The following KASH5 variants were observed in gnomAD, a reference collection of about 807,000 sequenced individuals.
KASH5 encodes the protein protein KASH5.
A neutral mutation model predicts 84.2 loss-of-function variants in KASH5; 72 were observed. The observed-to-expected ratio is 0.85, with a 90% CI of 0.71 to 1.04. The LOEUF (loss-of-function observed/expected upper bound fraction) is 1.04. Among genes scored for constraint, KASH5 ranks in the 50% least tolerant of loss-of-function variants. KASH5 has a pLI of 0.00. For missense variants in KASH5, 650 were observed against 701.0 expected, an observed-to-expected ratio of 0.93 and a Z score of 0.82; for synonymous variants, 260 against 279.1, an observed-to-expected ratio of 0.93 and a Z score of 0.68.
chr19:49,403,431 A>G (rs905908068), intron 9 of KASH5, among the ~76,000 whole-genome samples: 4 of 152,144 alleles, frequency 2.6e-5, no homozygotes, highest in Admixed American at 2.6e-4. Context: ...TCCTTTCATC[A>G]GAAGCCTCTC....
intron 9 of KASH5, among the ~76,000 whole-genome samples, chr19:49,402,339 G>T (rs971672485): frequency 6.6e-5 from 10 of 152,048 alleles, no homozygotes; most frequent in African/African-American, 2.4e-4. Flanking sequence ...GCCTAGGCCA[G>T]GAGTTCGAGA....
At chr19:49,413,060 G>GAC (rs760617206) in intron 16 of KASH5, 34 bp downstream of exon 16, 1 of 1,602,194 alleles carries the variant, frequency 6.2e-7, no homozygotes, top group Non-Finnish European at 8.5e-7. Context: ...GCCTCAGGGT[G>GAC]ACACCTTATT....
chr19:49,408,452 T>C (rs866647475), intron 12 of KASH5, among the ~76,000 whole-genome samples: 12 of 152,000 alleles, frequency 7.9e-5, no homozygotes, highest in South Asian at 2.1e-4. Flanking sequence ...TGCTTTTTTT[T>C]TTTCTTTCTT....
chr19:49,400,332 T>C (rs2040982074), intron 9 of KASH5, among the ~76,000 whole-genome samples: 1 of 149,336 alleles, frequency 6.7e-6, no homozygotes. Flanking sequence ...CTTCTCCTTC[T>C]CAAGCCTTTA....
chr19:49,397,338 A>T (rs1974214174), intron 5 of KASH5, among the ~76,000 whole-genome samples: 1 of 152,028 alleles, frequency 6.6e-6, no homozygotes, highest in Non-Finnish European at 1.5e-5. Context: ...GGTGACAGGG[A>T]GCAAGGGAGC....
chr19:49,399,658 A>T lies in KASH5; in HGVS notation c.798+151A>T. ...GGGAATGTCCCTGAGGTTATATCAC[A>T]CTGTGAGAACAGCCGTGGTTTACAA... On this transcript the variant is annotated intron_variant, in intron 9 of 19. Coordinates refer to ENST00000447857, the MANE Select transcript of KASH5 (RefSeq NM_144688.5). The surrounding 1 kb of genome is among the most constrained non-coding windows in gnomAD (Gnocchi z 4.4). 2.7e-6 allele frequency: 4 copies of T among 1,497,146 alleles called. No individual in the cohort carries two copies. The highest frequency in any genetic ancestry group is 2.6e-5 in the South Asian group (2 of 77,294). 92.7% of individuals were successfully genotyped at this position (1,497,146 alleles called of 1,614,324 possible). A position where few individuals can be genotyped will look rare whatever the true frequency, so the allele number is the denominator to read the frequency against.
chr19:49,412,888 G>A lies in KASH5; in HGVS notation c.1270-80G>A, dbSNP rs949582385. 18 of 1,415,798 alleles carry A rather than the reference G, an allele frequency of 1.3e-5. 1 individual carries two copies. Among genetic ancestry groups the A allele is most frequent in the Middle Eastern group, 1.8e-4 (1 of 5,614 alleles). The allele number at this position is 1,415,798 out of a possible 1,614,324, so 87.7% of individuals were successfully genotyped here. A position where few individuals can be genotyped will look rare whatever the true frequency, so the allele number is the denominator to read the frequency against. Reference sequence around the variant, plus strand: ...TTTGTATATGGGGTCTGGGACCGGCGGGGGAGACAGTGGGCACTGTTAGGG... The same window carrying A: ...TTTGTATATGGGGTCTGGGACCGGCAGGGGAGACAGTGGGCACTGTTAGGG... On this transcript the variant is annotated intron_variant, in intron 15 of 19. Transcript: ENST00000447857. The surrounding 1 kb of genome is among the most constrained non-coding windows in gnomAD (Gnocchi z 4.6).
rs772097748 is a variant in KASH5 at position 49,417,269 on chromosome 19, G to A, written c.1547+3G>A. The A allele has an allele frequency of 6.2e-7, 1 of 1,610,778 alleles. No individual in the cohort carries two copies. Among genetic ancestry groups the A allele is most frequent in the African/African-American group, 1.3e-5 (1 of 74,860 alleles). ...TGCCTGCCCCCACAGCGGCTCAGGT[G>A]TGCCCCCAGGCGTCTCCAGAAGGAA... On this transcript the variant is annotated splice_donor_region_variant and intron_variant, in intron 19 of 19. Transcript: ENST00000447857. The surrounding 1 kb of genome is among the most constrained non-coding windows in gnomAD (Gnocchi z 5.2).
Position 49,417,585 on chromosome 19 carries a change from T to TA in KASH5, c.*75_*76insA. ...GCCCTCTCTCCACTGGGATCCCCAT[T>TA]GTTAGTCCACTGTTGCGCAGGCTTA... On this transcript the variant is annotated 3_prime_UTR_variant, in exon 20 of 20. Transcript: ENST00000447857. This position sits in a 1 kb window ranked among gnomAD's most constrained non-coding sequence, Gnocchi z 5.2. The TA allele has an allele frequency of 6.9e-7, 1 of 1,442,950 alleles. No homozygotes were observed. Among genetic ancestry groups the TA allele is most frequent in the Non-Finnish European group, 9.1e-7 (1 of 1,094,192 alleles). The allele number at this position is 1,442,950 out of a possible 1,614,324, so 89.4% of individuals were successfully genotyped here.
chr19:49,389,412 G>T (rs1158301223), intron 1 of KASH5: 4 of 152,152 alleles, frequency 2.6e-5, no homozygotes, highest in Non-Finnish European at 5.8e-5. Context: ...GCTCCTGCCA[G>T]GGCCCCATCC....
At chr19:49,391,854 A>G (rs1974015004) in intron 2 of KASH5, 2 of 152,256 alleles carry the variant, frequency 1.3e-5, no homozygotes, top group South Asian at 4.1e-4. Context: ...TCTGAAACTC[A>G]TCTGCCAAGT....
chr19:49,389,289 C>A (rs1973922775), intron 1 of KASH5, among the ~76,000 whole-genome samples: 1 of 149,840 alleles, frequency 6.7e-6, no homozygotes, highest in African/African-American at 2.5e-5. Context: ...GAGACCCCCA[C>A]AGAAATCAAA....
rs1046094880 is a variant in KASH5 at position 49,414,143 on chromosome 19, C to T, written c.1329-808C>T. ...AGGAGGGGCCTCCCTAGGAGCCTCC[C>T]GCCGAGGCAGGGTCAGGAGCCAGAT... On this transcript the variant is annotated intron_variant, in intron 16 of 19. Coordinates refer to ENST00000447857, the MANE Select transcript of KASH5 (RefSeq NM_144688.5). This position sits in a 1 kb window ranked among gnomAD's most constrained non-coding sequence, Gnocchi z 4.5. Among the ~76,000 whole-genome samples the T allele has an allele frequency of 3.3e-5, 5 of 152,006 alleles. No individual in the cohort carries two copies. Among genetic ancestry groups the T allele is most frequent in the African/African-American group, 4.8e-5 (2 of 41,348 alleles).
In KASH5 at chr19:49,414,826, G is replaced by T; in HGVS notation, c.1329-125G>T. 9.8e-7 allele frequency: 1 copy of T among 1,017,482 alleles called. No individual in the cohort carries two copies. Among genetic ancestry groups the T allele is most frequent in the South Asian group, 1.4e-5 (1 of 73,080 alleles). The allele number at this position is 1,017,482 out of a possible 1,614,324, so 63.0% of individuals were successfully genotyped here. A position where few individuals can be genotyped will look rare whatever the true frequency, so the allele number is the denominator to read the frequency against. ...CGTCCGTGCTGCCTGGCCTCCCCCA[G>T]GCCCGTCCGTGCTGCCTGGCCTGTG... On this transcript the variant is annotated intron_variant, in intron 16 of 19. Transcript: ENST00000447857. This position sits in a 1 kb window ranked among gnomAD's most constrained non-coding sequence, Gnocchi z 4.5.
chr19:49,403,247 G>A (rs911900879), intron 9 of KASH5, among the ~76,000 whole-genome samples: 4 of 152,134 alleles, frequency 2.6e-5, no homozygotes, highest in African/African-American at 7.2e-5. Flanking sequence ...GCGGCGGGCC[G>A]CTATAGTCCC....
intron 9 of KASH5, 147 bp from the exon 10 acceptor site, chr19:49,406,739 T>C (rs1974538486): frequency 2.9e-6 from 2 of 693,322 alleles, no homozygotes; most frequent in South Asian, 3.6e-5. Context: ...CCCACTGGAA[T>C]GGTTGGAGGA....
At chr19:49,394,063 CATT>C (rs773160732) in intron 2 of KASH5, among the ~76,000 whole-genome samples, 17 of 152,104 alleles carry the variant, frequency 1.1e-4, no homozygotes, top group Non-Finnish European at 2.2e-4. Context: ...GCTGCCCATG[CATT>C]ATTGGATTGT....
rs2122233071 is a variant in KASH5 at position 49,414,594 on chromosome 19, G to GC, written c.1329-352dup. Among the ~76,000 whole-genome samples the GC allele has an allele frequency of 6.6e-6, 1 of 152,170 alleles. No homozygotes were observed. Among genetic ancestry groups the GC allele is most frequent in the Admixed American group, 6.5e-5 (1 of 15,304 alleles). On this transcript the variant is annotated intron_variant, in intron 16 of 19. Transcript: ENST00000447857. The surrounding 1 kb of genome is among the most constrained non-coding windows in gnomAD (Gnocchi z 4.5). ...GAGAAAACCAATCTGAGATGAAGAG[G>GC]CCCCCTTATTCTTTTAGTGGTTCAC...
chr19:49,416,728 C>CA lies in KASH5; in HGVS notation c.1375-287_1375-286insA, dbSNP rs1568626482. ...GCGCTGTCCAAGCTATTGCCCCCGC[C>CA]TTTTTTTTCCTACATTCACTCATTT... On this transcript the variant is annotated intron_variant, in intron 17 of 19. Transcript: ENST00000447857. The surrounding 1 kb of genome is among the most constrained non-coding windows in gnomAD (Gnocchi z 5.4). Among the ~76,000 whole-genome samples, 1 of 152,030 alleles carries CA rather than the reference C, an allele frequency of 6.6e-6. No homozygotes were observed. The highest frequency in any genetic ancestry group is 1.5e-5 in the Non-Finnish European group (1 of 68,020).
Sources: allele counts gnomAD v4.1 joint callset (sites outside exome capture counted in the v4.1 genomes callset), GRCh38; gene constraint gnomAD v4.1.1; non-coding constraint Gnocchi (gnomAD v3.1); transcripts MANE v1.5; gene names NCBI Gene and HGNC (gene_info 2026-07-23, HGNC 2026-07-21).